Variants in POU6F2 observed in about 807,000 individuals in gnomAD.
The protein encoded by POU6F2 is POU class 6 homeobox 2.
Under a neutral mutation model 71.3 loss-of-function variants are expected in POU6F2, and 31 were observed. The observed-to-expected ratio is 0.43, with a 90% CI of 0.33 to 0.59. The LOEUF (loss-of-function observed/expected upper bound fraction) is 0.59, where lower values mean the gene tolerates loss of function less well. POU6F2 is among the 20% of genes least tolerant of loss of function. POU6F2 has a pLI of 0.04. For synonymous variants in POU6F2, 347 were observed against 355.7 expected, an observed-to-expected ratio of 0.98 and a Z score of 0.27; for missense variants, 783 against 856.8, an observed-to-expected ratio of 0.91 and a Z score of 1.07.
At chr7:39,353,487 A>T (rs766621479) in intron 5 of POU6F2, among the ~76,000 whole-genome samples, 3 of 152,188 alleles carry the variant, frequency 2.0e-5, no homozygotes, top group Non-Finnish European at 2.9e-5. Context: ...ATATATACGT[A>T]TGCATGGATT....
intron 4 of POU6F2, among the ~76,000 whole-genome samples, chr7:39,310,301 G>A (rs1583514700): frequency 2.0e-5 from 3 of 152,172 alleles, no homozygotes; most frequent in South Asian, 2.1e-4. Flanking sequence ...GTTTCAACAC[G>A]TTATACACAC....
chr7:38,985,246 T>G (rs1788433108), intron 1 of POU6F2, among the ~76,000 whole-genome samples: 1 of 152,056 alleles, frequency 6.6e-6, no homozygotes, highest in Non-Finnish European at 1.5e-5. Flanking sequence ...TAAATAATAC[T>G]AGAAAACAAG....
chr7:39,389,690 T>C (rs1258838667), intron 5 of POU6F2, among the ~76,000 whole-genome samples: 3 of 152,234 alleles, frequency 2.0e-5, no homozygotes, highest in African/African-American at 7.2e-5. Flanking sequence ...TGTTTCTTGG[T>C]TTTATTTAAT....
chr7:39,143,827 T>C (rs1444576716), intron 2 of POU6F2, among the ~76,000 whole-genome samples: 1 of 152,226 alleles, frequency 6.6e-6, no homozygotes, highest in East Asian at 1.9e-4. Flanking sequence ...ACATTTATTA[T>C]TTTATTCTAT....
At chr7:39,089,230 T>C (rs1442508007) in intron 2 of POU6F2, among the ~76,000 whole-genome samples, 1 of 152,246 alleles carries the variant, frequency 6.6e-6, no homozygotes, top group Non-Finnish European at 1.5e-5. Context: ...TGTGGTTAGG[T>C]AGTTCTCTGT....
intron 2 of POU6F2, among the ~76,000 whole-genome samples, chr7:39,195,716 T>C (rs553664955): frequency 1.0e-3 from 156 of 152,270 alleles, no homozygotes; most frequent in African/African-American, 3.6e-3. Flanking sequence ...TGTAGGTCTG[T>C]AAGGCTGCAA....
At chr7:39,192,688 A>G (rs868828418) in intron 2 of POU6F2, among the ~76,000 whole-genome samples, 9 of 152,096 alleles carry the variant, frequency 5.9e-5, no homozygotes, top group African/African-American at 1.9e-4. Context: ...CCAGGTTATT[A>G]CTGTGATTGA....
chr7:39,291,315 T>C (rs758817107), intron 4 of POU6F2, among the ~76,000 whole-genome samples: 47 of 152,378 alleles, frequency 3.1e-4, no homozygotes, highest in Non-Finnish European at 6.9e-4. Context: ...GCACATTAGA[T>C]GCCAATGCAT....
intron 5 of POU6F2, among the ~76,000 whole-genome samples, chr7:39,364,464 T>C (rs993729435): frequency 6.6e-6 from 1 of 152,196 alleles, no homozygotes; most frequent in Non-Finnish European, 1.5e-5. Flanking sequence ...ATCATTCTTA[T>C]GCCTATGGAT....
intron 4 of POU6F2, among the ~76,000 whole-genome samples, chr7:39,329,455 A>G (rs960009931): frequency 1.3e-5 from 2 of 152,074 alleles, no homozygotes; most frequent in African/African-American, 2.4e-5. Flanking sequence ...AACACCTCTG[A>G]TAATAGTTTT....
intron 4 of POU6F2, among the ~76,000 whole-genome samples, chr7:39,278,156 A>T (rs1784492979): frequency 2.6e-5 from 4 of 151,354 alleles, no homozygotes; most frequent in Admixed American, 2.6e-4. Flanking sequence ...CGTAGATGAG[A>T]AGCAGCTCCT....
chr7:39,309,058 C>G (rs1785105126), intron 4 of POU6F2, among the ~76,000 whole-genome samples: 1 of 152,240 alleles, frequency 6.6e-6, no homozygotes, highest in Admixed American at 6.5e-5. Flanking sequence ...AAGTCTTCTT[C>G]TGTGTCACCC....
intron 1 of POU6F2, among the ~76,000 whole-genome samples, chr7:39,078,559 T>C (rs927745847): frequency 1.3e-5 from 2 of 152,196 alleles, no homozygotes; most frequent in Non-Finnish European, 2.9e-5. Context: ...ACTGTGTTTG[T>C]AGTGGCCACG....
At position 39,437,434 on chromosome 7, in the gene POU6F2, G is replaced by A. The variant is rs1562552622; in HGVS notation, c.1320+4151G>A. ...AGAGATGTTTATAGTGTTACCTGGT[G>A]GTAGTTTGTATTTCTGTGAGATCAG... is the stretch of plus-strand genomic sequence containing the variant. On this transcript the variant is annotated intron_variant, in intron 7 of 9. Transcript: ENST00000518318. Among the ~76,000 whole-genome samples, 3 of 152,084 alleles carry A rather than the reference G, an allele frequency of 2.0e-5. No individual in the cohort carries two copies. In the South Asian group the frequency reaches 6.2e-4, roughly 32 times the overall value.
At position 39,358,442 on chromosome 7, in the gene POU6F2, T is replaced by C. The variant is rs181502759; in HGVS notation, c.972+18427T>C. Among the ~76,000 whole-genome samples, 7 of 152,220 alleles carry C rather than the reference T, an allele frequency of 4.6e-5. No homozygotes were observed. The East Asian group carries it at 9.6e-4, about 21-fold the overall frequency. Reference sequence around the variant, plus strand: ...TTTAAAATTCCTCATAAGAAAAAATTAAATAAAAAAGTTTTAATCAGATGG... The same window carrying C: ...TTTAAAATTCCTCATAAGAAAAAATCAAATAAAAAAGTTTTAATCAGATGG... On this transcript the variant is annotated intron_variant, in intron 5 of 9. Coordinates refer to ENST00000518318, the MANE Select transcript of POU6F2 (RefSeq NM_001370959.1).
chr7:39,139,161 C>T (rs1054338234), intron 2 of POU6F2, among the ~76,000 whole-genome samples: 1 of 152,198 alleles, frequency 6.6e-6, no homozygotes, highest in Non-Finnish European at 1.5e-5. Context: ...TAAGCTATCC[C>T]ATCTTACTGA....
intron 4 of POU6F2, among the ~76,000 whole-genome samples, chr7:39,233,746 G>A (rs1374872889): frequency 6.6e-6 from 1 of 152,062 alleles, no homozygotes; most frequent in Non-Finnish European, 1.5e-5. Context: ...CACACAATAT[G>A]TACACATTAC....
intron 1 of POU6F2, among the ~76,000 whole-genome samples, chr7:39,007,655 C>T (rs924049872): frequency 5.9e-4 from 90 of 152,136 alleles, no homozygotes; most frequent in African/African-American, 2.1e-3. Flanking sequence ...TAGGTATATA[C>T]CCCAATGCTA....
intron 1 of POU6F2, among the ~76,000 whole-genome samples, chr7:39,047,218 A>T (rs1010441437): frequency 1.5e-4 from 23 of 151,856 alleles, no homozygotes; most frequent in African/African-American, 5.6e-4. Flanking sequence ...AATTTTATAT[A>T]TTGATCAATT....
Sources: gnomAD v4.1 joint callset for allele counts (sites outside exome capture counted in the v4.1 genomes callset) on GRCh38, gnomAD v4.1.1 for gene constraint, MANE v1.5 for transcripts, NCBI Gene and HGNC (gene_info 2026-07-23, HGNC 2026-07-21) for gene names.